Variants in TMTC1 observed in about 807,000 individuals in gnomAD.
TMTC1 encodes the protein protein O-mannosyl-transferase TMTC1.
Under a neutral mutation model 104.8 loss-of-function variants are expected in TMTC1, and 73 were observed. The ratio of observed to expected loss-of-function variants is 0.70; its 90% CI spans 0.58 to 0.85. The LOEUF is 0.85. Among genes scored for constraint, TMTC1 ranks in the 40% least tolerant of loss-of-function variants. TMTC1 has a pLI of 0.00. For synonymous variants in TMTC1, 434 were observed against 428.7 expected (o/e 1.01, Z -0.15); for missense variants, 1,035 against 1,096.1 (o/e 0.94, Z 0.79).
chr12:29,672,401 T>C (rs1270669798), intron 5 of TMTC1, among the ~76,000 whole-genome samples: 5 of 152,154 alleles, frequency 3.3e-5, no homozygotes, highest in Non-Finnish European at 7.3e-5. Flanking sequence ...GTATTATAGA[T>C]CAGTGCTTTG....
chr12:29,770,587 A>G (rs573850114), intron 1 of TMTC1, among the ~76,000 whole-genome samples: 1 of 152,316 alleles, frequency 6.6e-6, no homozygotes, highest in Admixed American at 6.5e-5. Flanking sequence ...AGTGAATTCA[A>G]TTAGATCCCA....
chr12:29,624,382 G>A (rs1255601900), intron 6 of TMTC1, among the ~76,000 whole-genome samples: 1 of 152,098 alleles, frequency 6.6e-6, no homozygotes, highest in Admixed American at 6.5e-5. Context: ...GAAGAAGTAT[G>A]GCAAGGGAAA....
rs144416918 is a variant in TMTC1 at position 29,564,766 on chromosome 12, A to C, written c.1532+7339T>G. 4.6e-5 allele frequency among the ~76,000 whole-genome samples: 7 copies of C among 152,274 alleles called. No homozygotes were observed. In the East Asian group the frequency reaches 1.4e-3, roughly 29 times the overall value. On this transcript the variant is annotated intron_variant, in intron 9 of 17. Transcript: ENST00000539277. ...ACAGATGAATGGCAGGAGGAGGAAA[A>C]CAAGAGATACAGACAGGCTCGGTTG... is the stretch of plus-strand genomic sequence containing the variant.
chr12:29,657,294 C>G (rs748388185), intron 5 of TMTC1, among the ~76,000 whole-genome samples: 1 of 152,090 alleles, frequency 6.6e-6, no homozygotes. Context: ...CTACAGAACA[C>G]AAGAAAATAT....
chr12:29,556,855 A>G lies in TMTC1; in HGVS notation c.1676+2T>C. ...CTGATCGATGGTAAACGTCCCACTT[A>G]CTTGAGGAGATTCCCCAGATTGAAA... On this transcript the variant is annotated splice_donor_variant, in intron 10 of 17. Transcript: ENST00000539277. LOFTEE classifies it high-confidence loss of function. 1 of 1,613,934 alleles carries G rather than the reference A, an allele frequency of 6.2e-7. No homozygotes were observed.
chr12:29,759,016 T>C (rs1943280758), intron 2 of TMTC1, among the ~76,000 whole-genome samples: 1 of 152,200 alleles, frequency 6.6e-6, no homozygotes, highest in Non-Finnish European at 1.5e-5. Flanking sequence ...ATTTCCACAC[T>C]TTATTTTTAA....
At chr12:29,572,342 T>A in intron 8 of TMTC1, 124 bp from the exon 9 acceptor site, 1 of 820,064 alleles carries the variant, frequency 1.2e-6, no homozygotes, top group Non-Finnish European at 1.9e-6. Flanking sequence ...AAACAAGGCA[T>A]TGTAGCCTAC....
chr12:29,734,651 C>G (rs1942626339), intron 5 of TMTC1, among the ~76,000 whole-genome samples: 2 of 152,130 alleles, frequency 1.3e-5, no homozygotes. Context: ...ATTTCTCATG[C>G]CTTTCCTATT....
intron 1 of TMTC1, among the ~76,000 whole-genome samples, chr12:29,781,028 C>T (rs1432367333): frequency 5.9e-5 from 9 of 152,114 alleles, no homozygotes; most frequent in Non-Finnish European, 1.2e-4. Flanking sequence ...TGGTTCATAG[C>T]GAATAGTTAA....
intron 5 of TMTC1, among the ~76,000 whole-genome samples, chr12:29,648,370 C>T (rs540445384): frequency 6.6e-6 from 1 of 152,330 alleles, no homozygotes; most frequent in East Asian, 1.9e-4. Context: ...GTATCATAAG[C>T]ACCTATGGTC....
At chr12:29,616,943 C>A (rs745902681) in intron 6 of TMTC1, among the ~76,000 whole-genome samples, 1 of 152,036 alleles carries the variant, frequency 6.6e-6, no homozygotes, top group Non-Finnish European at 1.5e-5. Context: ...TCAAGGCACC[C>A]TGGGTCGTCT....
chr12:29,546,018 C>G (rs1164144092), intron 10 of TMTC1, among the ~76,000 whole-genome samples: 1 of 152,190 alleles, frequency 6.6e-6, no homozygotes, highest in East Asian at 1.9e-4. Context: ...TGTAATTTTG[C>G]AGTAGAACTG....
intron 5 of TMTC1, among the ~76,000 whole-genome samples, chr12:29,718,539 A>G (rs533566233): frequency 2.0e-5 from 3 of 152,332 alleles, no homozygotes; most frequent in East Asian, 1.9e-4. Context: ...AGATCTCAAC[A>G]GGGATTTCAG....
intron 5 of TMTC1, among the ~76,000 whole-genome samples, chr12:29,636,825 G>A (rs1187805717): frequency 6.6e-6 from 1 of 151,318 alleles, no homozygotes; most frequent in Non-Finnish European, 1.5e-5. Flanking sequence ...TGAGAGGACT[G>A]CTTGAGCCCC....
intron 10 of TMTC1, among the ~76,000 whole-genome samples, chr12:29,539,309 T>A (rs1944729578): frequency 6.6e-6 from 1 of 150,876 alleles, no homozygotes; most frequent in Non-Finnish European, 1.5e-5. Context: ...TATCCCATAT[T>A]AAAAATCAGT....
chr12:29,524,395 C>T (rs910089663), intron 11 of TMTC1, among the ~76,000 whole-genome samples: 21 of 152,244 alleles, frequency 1.4e-4, no homozygotes, highest in South Asian at 6.2e-4. Context: ...TTACATGTAA[C>T]AAATAGAGTC....
chr12:29,596,901 A>T (rs189555345), intron 7 of TMTC1, among the ~76,000 whole-genome samples: 1 of 152,322 alleles, frequency 6.6e-6, no homozygotes, highest in Non-Finnish European at 1.5e-5. Context: ...CATCCTTACC[A>T]GTCATGGCTT....
At chr12:29,686,601 G>A (rs1941102309) in intron 5 of TMTC1, among the ~76,000 whole-genome samples, 1 of 152,152 alleles carries the variant, frequency 6.6e-6, no homozygotes, top group African/African-American at 2.4e-5. Flanking sequence ...ACTCCTGTCA[G>A]GGCTGCTCTC....
intron 5 of TMTC1, among the ~76,000 whole-genome samples, chr12:29,750,666 C>T (rs1439103494): frequency 1.3e-5 from 2 of 152,196 alleles, no homozygotes; most frequent in African/African-American, 4.8e-5. Context: ...GTAACAACAG[C>T]AATCTGAAGT....
Sources: gnomAD v4.1 joint callset for allele counts (sites outside exome capture counted in the v4.1 genomes callset) on GRCh38, gnomAD v4.1.1 for gene constraint, MANE v1.5 for transcripts, NCBI Gene and HGNC (gene_info 2026-07-23, HGNC 2026-07-21) for gene names.